CCDC171: variants seen among roughly 807,000 people sequenced by gnomAD.
The protein encoded by CCDC171 is coiled-coil domain containing 171, also known as coiled-coil domain-containing protein 171.
CCDC171 carries 177 observed loss-of-function variants against 168.2 expected under a neutral mutation model. The observed-to-expected ratio is 1.05, with a 90% CI of 0.93 to 1.19. The LOEUF is 1.19. Among genes scored for constraint, CCDC171 ranks in the 50% most tolerant of loss-of-function variants. CCDC171 has a pLI of 0.00. For missense variants in CCDC171, 1,991 were observed against 1,539.0 expected, an observed-to-expected ratio of 1.29 and a Z score of -4.91; for synonymous variants, 687 against 540.8, an observed-to-expected ratio of 1.27 and a Z score of -3.75.
chr9:15,680,448 G>T (rs1272238192), intron 10 of CCDC171, among the ~76,000 whole-genome samples: 2 of 152,168 alleles, frequency 1.3e-5, no homozygotes, highest in African/African-American at 4.8e-5. Flanking sequence ...TGGACCCTGG[G>T]TTATACTAGG....
chr9:15,814,781 A>G (rs2059498554), intron 21 of CCDC171, among the ~76,000 whole-genome samples: 1 of 152,174 alleles, frequency 6.6e-6, no homozygotes, highest in Admixed American at 6.5e-5. Context: ...ATCTTTCTGA[A>G]AAAACAAATC....
intron 17 of CCDC171, among the ~76,000 whole-genome samples, chr9:15,745,034 T>C (rs901838943): frequency 6.6e-6 from 1 of 152,212 alleles, no homozygotes; most frequent in Non-Finnish European, 1.5e-5. Flanking sequence ...TGTTTTAGAT[T>C]TGAATCCTCT....
chr9:16,064,765 T>C (rs1331919021), downstream of CCDC171, among the ~76,000 whole-genome samples: 1 of 152,190 alleles, frequency 6.6e-6, no homozygotes, highest in Non-Finnish European at 1.5e-5. Context: ...ACTAAGAAAA[T>C]TGGCCGTAAT....
chr9:15,572,292 G>A (rs2040291448), intron 3 of CCDC171, among the ~76,000 whole-genome samples: 1 of 151,962 alleles, frequency 6.6e-6, no homozygotes. Context: ...ATATCTTTAT[G>A]CCTCTTCTCT....
intron 7 of CCDC171, among the ~76,000 whole-genome samples, chr9:15,647,026 A>C (rs1324385462): frequency 6.6e-6 from 1 of 152,236 alleles, no homozygotes; most frequent in East Asian, 1.9e-4. Context: ...GCAAATGCAA[A>C]AGAACAGAAA....
chr9:15,657,089 C>A lies in CCDC171; in HGVS notation c.823-38C>A, dbSNP rs756776958. The A allele has an allele frequency of 1.0e-5, 12 of 1,200,098 alleles. No individual in the cohort carries two copies. The South Asian group carries it at 1.6e-4, about 16-fold the overall frequency. The allele number at this position is 1,200,098 out of a possible 1,614,324, so 74.3% of individuals were successfully genotyped here. A position where few individuals can be genotyped will look rare whatever the true frequency, so the allele number is the denominator to read the frequency against. On this transcript the variant is annotated intron_variant, in intron 7 of 25. Coordinates refer to ENST00000380701, the MANE Select transcript of CCDC171 (RefSeq NM_173550.4). ...TAGTGATCCATATCTTCTTTAAATA[C>A]CAATGTTTATGAATTTAAACTTTTA...
rs1054597117 is a variant in CCDC171, at chr9:15,721,776, C to G, written c.1326C>G (p.His442Gln). 4 of 1,541,670 alleles carry G rather than the reference C, an allele frequency of 2.6e-6. No homozygotes were observed. The highest frequency in any genetic ancestry group is 3.5e-6 in the Non-Finnish European group (4 of 1,143,908). ...TVSGQWTSGI[H>Q]KDKDKPPSFS... Reference sequence around the variant, plus strand: ...TCCTATATTTTTCTCTAGGCATCCACAAGGACAAAGATAAACCTCCCAGCT... The same window carrying G: ...TCCTATATTTTTCTCTAGGCATCCAGAAGGACAAAGATAAACCTCCCAGCT... The change falls in exon 12 of 26, where the codon CAC becomes CAG. Residue 442 changes from histidine (H) to glutamine (Q), a missense_variant. Transcript: ENST00000380701.
At chr9:15,949,450 A>T (rs1213564626) in intron 25 of CCDC171, among the ~76,000 whole-genome samples, 1 of 152,196 alleles carries the variant, frequency 6.6e-6, no homozygotes, top group Non-Finnish European at 1.5e-5. Flanking sequence ...CTTCCTACAC[A>T]TGAGCATGGA....
At chr9:15,635,794 T>G (rs1014209175) in intron 7 of CCDC171, among the ~76,000 whole-genome samples, 1 of 152,200 alleles carries the variant, frequency 6.6e-6, no homozygotes, top group Non-Finnish European at 1.5e-5. Context: ...TCAGTTGTCT[T>G]TATGATATAT....
chr9:15,975,829 A>T (rs1157214356), downstream of CCDC171, among the ~76,000 whole-genome samples: 1 of 152,184 alleles, frequency 6.6e-6, no homozygotes, highest in Non-Finnish European at 1.5e-5. Flanking sequence ...GAAACCTGTG[A>T]ATGTTACCGT....
intron 11 of CCDC171, among the ~76,000 whole-genome samples, chr9:15,714,659 A>G (rs539143044): frequency 2.6e-5 from 4 of 152,236 alleles, no homozygotes; most frequent in African/African-American, 7.2e-5. Flanking sequence ...AGGAAGATTT[A>G]CGGTATTTTT....
chr9:15,812,375 T>C (rs1330199183), intron 21 of CCDC171, among the ~76,000 whole-genome samples: 1 of 152,150 alleles, frequency 6.6e-6, no homozygotes. Flanking sequence ...GGAGTCTAGG[T>C]ATATTGATTG....
chr9:15,552,888 C>A (rs1345434668), upstream of CCDC171, among the ~76,000 whole-genome samples: 3 of 152,164 alleles, frequency 2.0e-5, no homozygotes, highest in African/African-American at 7.2e-5. Flanking sequence ...ACGGCGCATG[C>A]GCCCGTTCGT....
intron 12 of CCDC171, among the ~76,000 whole-genome samples, chr9:15,722,919 A>G (rs1465483448): frequency 6.6e-6 from 1 of 152,210 alleles, no homozygotes; most frequent in Non-Finnish European, 1.5e-5. Flanking sequence ...TCTGAGGCCT[A>G]GGTCTGGAAG....
intron 21 of CCDC171, among the ~76,000 whole-genome samples, chr9:15,837,172 T>G (rs1423069347): frequency 6.6e-6 from 1 of 152,164 alleles, no homozygotes; most frequent in Non-Finnish European, 1.5e-5. Context: ...TTAAGAAAAT[T>G]TGAACGTTCT....
intron 24 of CCDC171, chr9:15,875,005 T>C (rs1817658523): frequency 6.2e-6 from 1 of 160,086 alleles, no homozygotes; most frequent in Non-Finnish European, 1.4e-5. Context: ...ATTTGTTGCT[T>C]TTATTGTTTG....
chr9:15,568,305 C>A (rs552602821), intron 2 of CCDC171, among the ~76,000 whole-genome samples: 12 of 133,432 alleles, frequency 9.0e-5, no homozygotes, highest in African/African-American at 3.4e-4. Flanking sequence ...GAGTCTTGCT[C>A]TGTTGCCCAG....
intron 18 of CCDC171, among the ~76,000 whole-genome samples, chr9:15,773,123 G>T (rs536675031): frequency 6.6e-6 from 1 of 152,110 alleles, no homozygotes; most frequent in African/African-American, 2.4e-5. Flanking sequence ...CTTTGAGTAT[G>T]AGGACTTCAT....
intron 7 of CCDC171, among the ~76,000 whole-genome samples, chr9:15,632,495 C>G (rs2045807640): frequency 6.6e-6 from 1 of 152,048 alleles, no homozygotes; most frequent in Non-Finnish European, 1.5e-5. Context: ...AGGAGAGCTA[C>G]AAACCACTGC....
Sources: allele counts gnomAD v4.1 joint callset (sites outside exome capture counted in the v4.1 genomes callset), GRCh38; gene constraint gnomAD v4.1.1; transcripts MANE v1.5; gene names NCBI Gene and HGNC (gene_info 2026-07-23, HGNC 2026-07-21).